CRLF1: variants seen among roughly 807,000 people sequenced by gnomAD.
CRLF1 encodes cytokine receptor-like factor 1.
A neutral mutation model predicts 48.9 loss-of-function variants in CRLF1; 36 were observed. The observed-to-expected ratio is 0.74, with a 90% CI of 0.56 to 0.97. The LOEUF (loss-of-function observed/expected upper bound fraction) is 0.97, where lower values mean the gene tolerates loss of function less well. Ranked by LOEUF, CRLF1 falls within the 50% of genes least tolerant of loss-of-function variation. The pLI is 0.00. For synonymous variants in CRLF1, 256 were observed against 253.4 expected, an observed-to-expected ratio of 1.01 and a Z score of -0.10; for missense variants, 534 against 575.1, an observed-to-expected ratio of 0.93 and a Z score of 0.73.
intron 4 of CRLF1, among the ~76,000 whole-genome samples, chr19:18,597,928 G>A (rs1976163823): frequency 6.6e-6 from 1 of 152,102 alleles, no homozygotes; most frequent in Admixed American, 6.5e-5. Flanking sequence ...GGGCCCCTGA[G>A]GGCAGCAGGG....
At position 18,606,398 on chromosome 19, in the gene CRLF1, G is replaced by A; in HGVS notation, c.115+144C>T. The A allele has an allele frequency of 1.8e-6, 1 of 551,338 alleles. No homozygotes were observed. Among genetic ancestry groups the A allele is most frequent in the Non-Finnish European group, 2.4e-6 (1 of 423,128 alleles). The allele number at this position is 551,338 out of a possible 1,614,324, so 34.2% of individuals were successfully genotyped here. A position where few individuals can be genotyped will look rare whatever the true frequency, so the allele number is the denominator to read the frequency against. ...GGCGCCGTGTGCCCCGCAGGTGAGG[G>A]CGCCCCGAGGGCTGCGCCGGGGGCG... On this transcript the variant is annotated intron_variant, in intron 1 of 8. Transcript: ENST00000392386. The surrounding 1 kb of genome is among the most constrained non-coding windows in gnomAD (Gnocchi z 4.8).
intron 4 of CRLF1, among the ~76,000 whole-genome samples, chr19:18,597,373 C>T (rs1449224399): frequency 4.0e-5 from 6 of 151,492 alleles, no homozygotes; most frequent in Non-Finnish European, 7.4e-5. Context: ...GCTGTCAGGC[C>T]GTCAGCCTTC....
At position 18,598,615 on chromosome 19, in the gene CRLF1, A is replaced by C; in HGVS notation, c.528-14T>G. 1 of 1,613,898 alleles carries C rather than the reference A, an allele frequency of 6.2e-7. No individual in the cohort carries two copies. Among genetic ancestry groups the C allele is most frequent in the East Asian group, 2.2e-5 (1 of 44,874 alleles). ...TGGCCATACCACCTGCGGGGATGGG[A>C]GGGCGACAGGACGCATGAGGGTTCC... is the stretch of plus-strand genomic sequence containing the variant. On this transcript the variant is annotated splice_polypyrimidine_tract_variant and intron_variant, in intron 3 of 8. Coordinates refer to ENST00000392386, the MANE Select transcript of CRLF1 (RefSeq NM_004750.5).
intron 2 of CRLF1, 152 bp from the exon 3 acceptor site, chr19:18,599,053 C>T: frequency 2.0e-6 from 3 of 1,490,800 alleles, no homozygotes; most frequent in South Asian, 2.7e-5. Flanking sequence ...AATGCCAGCA[C>T]AGTTGGTGTG....
Position 18,598,887 on chromosome 19 carries a change from G to GT in CRLF1, c.411dup (p.Pro138ThrfsTer39), listed in dbSNP as rs1976181280. 5 of 1,613,850 alleles carry GT rather than the reference G, an allele frequency of 3.1e-6. No homozygotes were observed. The highest frequency in any genetic ancestry group is 1.3e-5 in the African/African-American group (1 of 74,878). ...TTGGACCAGCAGCTGATGTTGACGG[G>GT]TTTCTCTGGGGGCACTGGGAGAAGG... On this transcript the variant is annotated frameshift_variant, in exon 3 of 9. Transcript: ENST00000392386. LOFTEE classifies it high-confidence loss of function.
chr19:18,599,012 C>T (rs1234529091), intron 2 of CRLF1, 111 bp from the exon 3 acceptor site: 1 of 1,557,492 alleles, frequency 6.4e-7, no homozygotes, highest in Admixed American at 1.8e-5. Context: ...GGAAGGAGGG[C>T]AGACAGGACA....
intron 6 of CRLF1, 40 bp from the exon 7 acceptor site, chr19:18,594,474 C>T: frequency 1.5e-6 from 2 of 1,300,486 alleles, no homozygotes; most frequent in Non-Finnish European, 2.0e-6. Context: ...GCGCGCCCGG[C>T]AGGGGGTGCG....
intron 8 of CRLF1, 61 bp downstream of exon 8, chr19:18,594,003 GC>G: frequency 6.5e-7 from 1 of 1,536,490 alleles, no homozygotes; most frequent in Non-Finnish European, 8.8e-7. Context: ...AACAAGACCT[GC>G]AGCCACCGGA....
In CRLF1 at chr19:18,606,677, C is replaced by G; in HGVS notation, c.-21G>C. On this transcript the variant is annotated 5_prime_UTR_variant, in exon 1 of 9. Coordinates refer to ENST00000392386, the MANE Select transcript of CRLF1 (RefSeq NM_004750.5). The surrounding 1 kb of genome is among the most constrained non-coding windows in gnomAD (Gnocchi z 4.8). ...GGCATGGGGCCGGCGCTGCCGGGGG[C>G]GCGCGGCGGGCTGCGGCTCGGCGGC... 1 of 537,446 alleles carries G rather than the reference C, an allele frequency of 1.9e-6. No homozygotes were observed. Among genetic ancestry groups the G allele is most frequent in the Non-Finnish European group, 2.4e-6 (1 of 424,444 alleles). The allele number at this position is 537,446 out of a possible 1,614,324, so 33.3% of individuals were successfully genotyped here.
intron 2 of CRLF1, 92 bp from the exon 3 acceptor site, chr19:18,598,993 C>A: frequency 1.3e-6 from 2 of 1,573,230 alleles, no homozygotes; most frequent in Non-Finnish European, 1.7e-6. Flanking sequence ...CAGGCCCCCA[C>A]CTTGGAGTGG....
intron 1 of CRLF1, among the ~76,000 whole-genome samples, chr19:18,603,940 G>A (rs918481283): frequency 6.6e-6 from 1 of 152,084 alleles, no homozygotes; most frequent in Admixed American, 6.5e-5. Flanking sequence ...GTCCCAGGCA[G>A]CCAGCCGCCC....
At position 18,597,021 on chromosome 19, in the gene CRLF1, G is replaced by A. The variant is rs760844216; in HGVS notation, c.726C>T (p.His242=). ...VVTTDPPPDV[H]VSRVGGLEDQ... Reference sequence around the variant, plus strand: ...CCTCCAGGCCCCCGACGCGGCTCACGTGCACGTCGGGCGGGGGGTCCGTGG... The same window carrying A: ...CCTCCAGGCCCCCGACGCGGCTCACATGCACGTCGGGCGGGGGGTCCGTGG... The change falls in exon 5 of 9, where the codon CAC becomes CAT. Residue 242 remains histidine, a synonymous_variant. Coordinates refer to ENST00000392386, the MANE Select transcript of CRLF1 (RefSeq NM_004750.5). The A allele has an allele frequency of 1.1e-5, 17 of 1,612,910 alleles. No individual in the cohort carries two copies. The East Asian group carries it at 3.6e-4, about 34-fold the overall frequency.
chr19:18,600,209 T>G (rs569814917), intron 1 of CRLF1, among the ~76,000 whole-genome samples: 3 of 152,210 alleles, frequency 2.0e-5, no homozygotes, highest in African/African-American at 7.2e-5. Context: ...GCTTTGCTTT[T>G]TTTTTTTGAG....
chr19:18,594,042 C>T, intron 8 of CRLF1, 23 bp downstream of exon 8: 1 of 1,520,380 alleles, frequency 6.6e-7, no homozygotes, highest in Non-Finnish European at 8.9e-7. Context: ...TCCCTCCCGC[C>T]CACCCATTCA....
At chr19:18,595,319 C>T (rs1282538674) in intron 6 of CRLF1, among the ~76,000 whole-genome samples, 1 of 152,246 alleles carries the variant, frequency 6.6e-6, no homozygotes, top group Admixed American at 6.5e-5. Flanking sequence ...CAGGCCCCTC[C>T]CGGCTGCGCT....
At chr19:18,601,844 G>A (rs1228288759) in intron 1 of CRLF1, among the ~76,000 whole-genome samples, 1 of 152,142 alleles carries the variant, frequency 6.6e-6, no homozygotes, top group Non-Finnish European at 1.5e-5. Flanking sequence ...CTGGAATGAG[G>A]GAAGGCCATA....
At chr19:18,605,835 G>T (rs1976286264) in intron 1 of CRLF1, among the ~76,000 whole-genome samples, 2 of 152,156 alleles carry the variant, frequency 1.3e-5, no homozygotes, top group Non-Finnish European at 2.9e-5. Context: ...GTTTGGGCCC[G>T]CTGGTGCCCG....
chr19:18,597,895 G>A (rs1351188554), intron 4 of CRLF1, among the ~76,000 whole-genome samples: 1 of 152,054 alleles, frequency 6.6e-6, no homozygotes, highest in Non-Finnish European at 1.5e-5. Context: ...GTGTGTGTTG[G>A]GGGGTTCTGA....
Position 18,598,538 on chromosome 19 carries a change from G to T in CRLF1, c.591C>A (p.Ile197=), listed in dbSNP as rs747007390. The T allele has an allele frequency of 6.2e-7, 1 of 1,614,116 alleles. No homozygotes were observed. The highest frequency in any genetic ancestry group is 1.1e-5 in the South Asian group (1 of 91,084). The change falls in exon 4 of 9, where the codon ATC becomes ATA. Residue 197 remains isoleucine (I), a synonymous_variant. Transcript: ENST00000392386. The part of the protein sequence containing the change: ...YHTVGPHSCH[I]PKDLALFTPY... ...GCGTAAAGAGAGCCAGGTCCTTGGG[G>T]ATGTGGCAGGAGTGGGGCCCCACTG...
Sources: allele counts gnomAD v4.1 joint callset (sites outside exome capture counted in the v4.1 genomes callset), GRCh38; gene constraint gnomAD v4.1.1; non-coding constraint Gnocchi (gnomAD v3.1); transcripts MANE v1.5; gene names NCBI Gene and HGNC (gene_info 2026-07-23, HGNC 2026-07-21).